GDPD5: variants seen among roughly 807,000 people sequenced by gnomAD.
GDPD5 encodes glycerophosphodiester phosphodiesterase 2.
A neutral mutation model predicts 75.1 loss-of-function variants in GDPD5; 48 were observed. The ratio of observed to expected loss-of-function variants is 0.64; its 90% CI spans 0.51 to 0.81. GDPD5 has a LOEUF of 0.81. Among genes scored for constraint, GDPD5 ranks in the 40% least tolerant of loss-of-function variants. GDPD5 has a pLI of 0.00. For missense variants in GDPD5, 706 were observed against 822.6 expected, an observed-to-expected ratio of 0.86 and a Z score of 1.73; for synonymous variants, 336 against 339.0, an observed-to-expected ratio of 0.99 and a Z score of 0.10.
At chr11:75,510,013 T>C (rs565441322) in intron 1 of GDPD5, among the ~76,000 whole-genome samples, 287 of 152,326 alleles carry the variant, frequency 1.9e-3, no homozygotes, top group African/African-American at 6.6e-3. Context: ...CAGAGCTCCC[T>C]CCCCGTGCTA....
At chr11:75,515,441 G>A (rs1420973867) in intron 1 of GDPD5, among the ~76,000 whole-genome samples, 1 of 152,162 alleles carries the variant, frequency 6.6e-6, no homozygotes. Flanking sequence ...CCATCACAAG[G>A]CCTGGCAGCA....
intron 1 of GDPD5, among the ~76,000 whole-genome samples, chr11:75,509,676 G>T (rs1950474471): frequency 6.6e-6 from 1 of 152,090 alleles, no homozygotes; most frequent in African/African-American, 2.4e-5. Context: ...TGAGTCACTT[G>T]CCCATTTTCT....
rs529143703 is a variant in GDPD5, at chr11:75,496,419, T to A, written c.-144-6099A>T. Among the ~76,000 whole-genome samples, 8 of 152,374 alleles carry A rather than the reference T, an allele frequency of 5.3e-5. No individual in the cohort carries two copies. In the East Asian group the frequency reaches 1.2e-3, roughly 22 times the overall value. On this transcript the variant is annotated intron_variant, in intron 1 of 16. Coordinates refer to ENST00000336898, the MANE Select transcript of GDPD5 (RefSeq NM_030792.8). Reference sequence around the variant, plus strand: ...GCAGGAGACTGAGAGCCAGGAGACCTGGCTTTTCTTCCTGGCTTGGCCACT... The same window carrying A: ...GCAGGAGACTGAGAGCCAGGAGACCAGGCTTTTCTTCCTGGCTTGGCCACT...
At chr11:75,440,307 C>A (rs941418626) in intron 14 of GDPD5, among the ~76,000 whole-genome samples, 1 of 152,152 alleles carries the variant, frequency 6.6e-6, no homozygotes, top group Non-Finnish European at 1.5e-5. Flanking sequence ...TGCCGCCCCC[C>A]GCTGCCGACT....
rs918900366 is a variant in GDPD5 at position 75,450,101 on chromosome 11, C to A, written c.376-118G>T. 5 of 751,452 alleles carry A rather than the reference C, an allele frequency of 6.7e-6. No homozygotes were observed. The African/African-American group carries it at 7.0e-5, about 10-fold the overall frequency. The allele number at this position is 751,452 out of a possible 1,614,324, so 46.5% of individuals were successfully genotyped here. A position where few individuals can be genotyped will look rare whatever the true frequency, so the allele number is the denominator to read the frequency against. Reference sequence around the variant, plus strand: ...GGCAGGAGAGGCCGATGGAGCAGGGCAGAGGGGAGGGAGGAAAGAGACAGG... The same window carrying A: ...GGCAGGAGAGGCCGATGGAGCAGGGAAGAGGGGAGGGAGGAAAGAGACAGG... On this transcript the variant is annotated intron_variant, in intron 6 of 16. Coordinates refer to ENST00000336898, the MANE Select transcript of GDPD5 (RefSeq NM_030792.8).
intron 1 of GDPD5, among the ~76,000 whole-genome samples, chr11:75,495,515 A>G (rs1950192935): frequency 6.6e-6 from 1 of 152,116 alleles, no homozygotes; most frequent in South Asian, 2.1e-4. Flanking sequence ...ATATCTGAAC[A>G]TCATCAGCTT....
chr11:75,442,828 CCTT>C, intron 11 of GDPD5: 1 of 602,270 alleles, frequency 1.7e-6, no homozygotes, highest in South Asian at 2.0e-5. Context: ...CAGCATTTCT[CCTT>C]CTAGAGCATT....
At position 75,506,233 on chromosome 11, in the gene GDPD5, CTTTG is replaced by C. The variant is rs556346206; in HGVS notation, c.-144-15917_-144-15914del. Among the ~76,000 whole-genome samples the C allele has an allele frequency of 1.5e-3, 223 of 152,312 alleles. 2 individuals carry two copies. The highest frequency in any genetic ancestry group is 2.1e-3 in the Non-Finnish European group (145 of 68,020). Reference sequence around the variant, plus strand: ...GATCTGTTTGTTCCTCTCAGGGACGCTTTGTTTGTTTGGGCTCTTCCCAGAAGAC... The same window carrying C: ...GATCTGTTTGTTCCTCTCAGGGACGCTTTGTTTGGGCTCTTCCCAGAAGAC... On this transcript the variant is annotated intron_variant, in intron 1 of 16. Coordinates refer to ENST00000336898, the MANE Select transcript of GDPD5 (RefSeq NM_030792.8).
At chr11:75,437,965 C>G (rs941557467) in intron 15 of GDPD5, 2 of 152,284 alleles carry the variant, frequency 1.3e-5, no homozygotes, top group Non-Finnish European at 2.9e-5. Flanking sequence ...ACCCAACTGC[C>G]TCAGGGACTG....
rs1266392186 is a variant in GDPD5 at position 75,477,729 on chromosome 11, T to G, written c.7A>C (p.Arg3=). Residue 3 remains arginine, a synonymous_variant, in exon 3 of 17, where the codon AGA becomes CGA. Coordinates refer to ENST00000336898, the MANE Select transcript of GDPD5 (RefSeq NM_030792.8). MV[R]HQPLQYYEPQ... ...TCGTAGTACTGCAGGGGCTGGTGTC[T>G]CACCATACTCGTGCCCACGGCCCTG... 1 of 1,569,888 alleles carries G rather than the reference T, an allele frequency of 6.4e-7. No individual in the cohort carries two copies.
At chr11:75,502,435 C>G (rs1227580378) in intron 1 of GDPD5, among the ~76,000 whole-genome samples, 4 of 152,172 alleles carry the variant, frequency 2.6e-5, no homozygotes, top group Admixed American at 1.3e-4. Flanking sequence ...TCAAAATCAC[C>G]CTTGGCTTTA....
intron 1 of GDPD5, chr11:75,517,318 G>A (rs929758653): frequency 1.4e-4 from 21 of 152,302 alleles, no homozygotes; most frequent in African/African-American, 4.3e-4. Flanking sequence ...GCTGCGTGTG[G>A]TGGCACTTGC....
At chr11:75,484,860 T>C (rs993136600) in intron 2 of GDPD5, among the ~76,000 whole-genome samples, 17 of 152,312 alleles carry the variant, frequency 1.1e-4, no homozygotes, top group African/African-American at 3.6e-4. Flanking sequence ...CATTGCTGGG[T>C]ACTGTGCTGA....
At chr11:75,453,814 A>G (rs12272513) in intron 6 of GDPD5, among the ~76,000 whole-genome samples, 1,649 of 152,296 alleles carry the variant, frequency 0.011, 32 homozygotes, top group African/African-American at 0.038. Flanking sequence ...AGAGAGTTGG[A>G]AACGTTGGGA....
At chr11:75,476,198 G>A (rs1408144265) in intron 3 of GDPD5, among the ~76,000 whole-genome samples, 1 of 152,060 alleles carries the variant, frequency 6.6e-6, no homozygotes, top group Non-Finnish European at 1.5e-5. Flanking sequence ...ACGGTAGAGT[G>A]GTCACGGGAT....
At chr11:75,448,595 T>G in intron 9 of GDPD5, 1 of 1,012,816 alleles carries the variant, frequency 9.9e-7, no homozygotes, top group Non-Finnish European at 1.2e-6. Context: ...CCGTACTCAC[T>G]GTCACAGTGG....
chr11:75,519,739 G>A (rs1950716200), intron 1 of GDPD5, among the ~76,000 whole-genome samples: 1 of 152,230 alleles, frequency 6.6e-6, no homozygotes, highest in Non-Finnish European at 1.5e-5. Context: ...AGATACTGAT[G>A]GGACCGGCCC....
At chr11:75,459,959 C>T (rs181512788) in intron 4 of GDPD5, among the ~76,000 whole-genome samples, 1 of 152,202 alleles carries the variant, frequency 6.6e-6, no homozygotes, top group East Asian at 1.9e-4. Context: ...CCTTGCCAGA[C>T]AGCTGGGAAG....
chr11:75,507,804 C>T (rs1950433191), intron 1 of GDPD5, among the ~76,000 whole-genome samples: 1 of 152,082 alleles, frequency 6.6e-6, no homozygotes, highest in Non-Finnish European at 1.5e-5. Flanking sequence ...AAGCAGCTGT[C>T]CCATTAAGGA....
Sources: gnomAD v4.1 joint callset for allele counts (sites outside exome capture counted in the v4.1 genomes callset) on GRCh38, gnomAD v4.1.1 for gene constraint, MANE v1.5 for transcripts, NCBI Gene and HGNC (gene_info 2026-07-23, HGNC 2026-07-21) for gene names.